Variants in CHST9 observed in about 807,000 individuals in gnomAD.
CHST9 encodes GalNAc-4-sulfotransferase 2.
Under a neutral mutation model 44.4 loss-of-function variants are expected in CHST9, and 41 were observed. The ratio of observed to expected loss-of-function variants is 0.92; its 90% CI spans 0.72 to 1.20. CHST9 has a LOEUF of 1.20. Among genes scored for constraint, CHST9 ranks in the 50% most tolerant of loss-of-function variants. CHST9 has a pLI of 0.00. For synonymous variants in CHST9, 171 were observed against 178.4 expected (o/e 0.96, Z 0.33); for missense variants, 504 against 516.5 (o/e 0.98, Z 0.23).
At chr18:27,092,993 G>T (rs1383408747) in intron 2 of CHST9, among the ~76,000 whole-genome samples, 1 of 152,104 alleles carries the variant, frequency 6.6e-6, no homozygotes, top group Non-Finnish European at 1.5e-5. Flanking sequence ...TCAGCTGCAG[G>T]TCTGTTGGAG....
chr18:27,053,159 A>G (rs1378073303), intron 2 of CHST9, among the ~76,000 whole-genome samples: 8 of 146,314 alleles, frequency 5.5e-5, no homozygotes, highest in African/African-American at 2.0e-4. Flanking sequence ...GAAGAAGAAG[A>G]AGAAGAAGAA....
At chr18:26,940,701 G>T (rs577398627) in intron 5 of CHST9, among the ~76,000 whole-genome samples, 1 of 152,260 alleles carries the variant, frequency 6.6e-6, no homozygotes, top group Non-Finnish European at 1.5e-5. Flanking sequence ...ATGGAGTCGA[G>T]GATGACTCTG....
intron 2 of CHST9, among the ~76,000 whole-genome samples, chr18:27,123,174 G>C (rs1308390802): frequency 6.6e-6 from 1 of 152,166 alleles, no homozygotes; most frequent in Non-Finnish European, 1.5e-5. Context: ...TTCCAATGAT[G>C]CATGCAGAAA....
At chr18:27,159,771 C>A (rs2058730745) in intron 1 of CHST9, among the ~76,000 whole-genome samples, 1 of 152,098 alleles carries the variant, frequency 6.6e-6, no homozygotes, top group African/African-American at 2.4e-5. Flanking sequence ...TGTTTGTATC[C>A]TCTTTTATTT....
intron 5 of CHST9, among the ~76,000 whole-genome samples, chr18:26,922,922 C>T (rs768740515): frequency 2.2e-4 from 33 of 152,134 alleles, no homozygotes; most frequent in Non-Finnish European, 4.4e-4. Flanking sequence ...AGGCATGAGC[C>T]CCTGCGCCTG....
intron 2 of CHST9, among the ~76,000 whole-genome samples, chr18:27,086,461 G>A (rs915067466): frequency 1.3e-5 from 2 of 152,176 alleles, no homozygotes; most frequent in African/African-American, 4.8e-5. Context: ...ATTCCTAATT[G>A]AGTATTTCCT....
chr18:27,114,428 A>G (rs997107440), intron 2 of CHST9, among the ~76,000 whole-genome samples: 6 of 152,182 alleles, frequency 3.9e-5, no homozygotes, highest in Non-Finnish European at 5.9e-5. Context: ...AAGTTTTTTC[A>G]GAGTCTACTT....
chr18:26,914,020 GA>G lies in CHST9; in HGVS notation c.*2238del, dbSNP rs1310457218. On this transcript the variant is annotated 3_prime_UTR_variant, in exon 6 of 6. Coordinates refer to ENST00000618847, the MANE Select transcript of CHST9 (RefSeq NM_031422.6). ...ACTTGGCATCATAGAGCCCATTTAG[GA>G]AAAGAATGACCCATGGTGACACGGG... 15 of 152,286 alleles carry G rather than the reference GA, an allele frequency of 9.8e-5. No homozygotes were observed. The East Asian group carries it at 2.7e-3, about 27-fold the overall frequency. 9.4% of individuals were successfully genotyped at this position (152,286 alleles called of 1,614,324 possible). A position where few individuals can be genotyped will look rare whatever the true frequency, so the allele number is the denominator to read the frequency against.
intron 2 of CHST9, among the ~76,000 whole-genome samples, chr18:27,074,695 T>C (rs1021895191): frequency 6.6e-6 from 1 of 151,998 alleles, no homozygotes; most frequent in Non-Finnish European, 1.5e-5. Context: ...TGATATTTCC[T>C]AGCTTTGCAA....
At chr18:27,108,765 C>T (rs2058244207) in intron 2 of CHST9, among the ~76,000 whole-genome samples, 1 of 152,156 alleles carries the variant, frequency 6.6e-6, no homozygotes, top group South Asian at 2.1e-4. Context: ...AATTAAACTG[C>T]AAACATAACA....
intron 4 of CHST9, among the ~76,000 whole-genome samples, chr18:26,991,283 A>G (rs2056813124): frequency 6.6e-6 from 1 of 152,146 alleles, no homozygotes; most frequent in Admixed American, 6.6e-5. Flanking sequence ...TCTCTAACGG[A>G]TTAGATATGG....
chr18:27,043,582 G>A (rs1413849923), intron 3 of CHST9, among the ~76,000 whole-genome samples: 11 of 151,792 alleles, frequency 7.2e-5, no homozygotes, highest in Admixed American at 6.6e-4. Flanking sequence ...CATTTTCTTG[G>A]CTTCCTCTCT....
chr18:27,133,466 C>A (rs2058488887), intron 2 of CHST9, among the ~76,000 whole-genome samples: 1 of 152,052 alleles, frequency 6.6e-6, no homozygotes, highest in Non-Finnish European at 1.5e-5. Context: ...TAAGACAGAG[C>A]CCACAGAGTT....
chr18:27,120,390 T>C (rs941200409), intron 2 of CHST9, among the ~76,000 whole-genome samples: 1 of 152,194 alleles, frequency 6.6e-6, no homozygotes, highest in African/African-American at 2.4e-5. Flanking sequence ...CCTTTTACTA[T>C]TGTTTATTTT....
chr18:26,933,770 G>A (rs1361038406), intron 5 of CHST9: 1 of 153,440 alleles, frequency 6.5e-6, no homozygotes, highest in Admixed American at 6.5e-5. Context: ...TTATATGGAT[G>A]AAGATAGATA....
At chr18:27,044,167 T>C (rs2057474514) in intron 3 of CHST9, among the ~76,000 whole-genome samples, 1 of 151,932 alleles carries the variant, frequency 6.6e-6, no homozygotes, top group South Asian at 2.1e-4. Flanking sequence ...TCATGATACC[T>C]TGTACATCAT....
intron 2 of CHST9, among the ~76,000 whole-genome samples, chr18:27,052,047 CA>C (rs1005618548): frequency 1.3e-5 from 2 of 152,110 alleles, no homozygotes; most frequent in Admixed American, 6.6e-5. Context: ...CTGAAAGGTG[CA>C]ACTTTTTTTT....
intron 5 of CHST9, among the ~76,000 whole-genome samples, chr18:26,922,910 A>T (rs1568092793): frequency 6.6e-6 from 1 of 152,194 alleles, no homozygotes; most frequent in Non-Finnish European, 1.5e-5. Flanking sequence ...TGCTGGGATT[A>T]CAGGCATGAG....
intron 2 of CHST9, among the ~76,000 whole-genome samples, chr18:27,100,398 C>G (rs2058159588): frequency 6.6e-6 from 1 of 152,014 alleles, no homozygotes; most frequent in Non-Finnish European, 1.5e-5. Flanking sequence ...CATGTACTGC[C>G]TGAATCTAAA....
Sources: gnomAD v4.1 joint callset for allele counts (sites outside exome capture counted in the v4.1 genomes callset) on GRCh38, gnomAD v4.1.1 for gene constraint, MANE v1.5 for transcripts, NCBI Gene and HGNC (gene_info 2026-07-23, HGNC 2026-07-21) for gene names.